RNF43: variants seen among roughly 807,000 people sequenced by gnomAD.
RNF43 encodes ring finger protein 43.
RNF43 carries 37 observed loss-of-function variants against 78.4 expected under a neutral mutation model. That is an observed-to-expected ratio of 0.47 (90% confidence interval 0.36 to 0.62). RNF43 has a LOEUF of 0.62. Ranked by LOEUF, RNF43 falls within the 20% of genes least tolerant of loss-of-function variation. The pLI is 0.00. For synonymous variants in RNF43, 347 were observed against 395.0 expected, an observed-to-expected ratio of 0.88 and a Z score of 1.44; for missense variants, 774 against 1,007.9, an observed-to-expected ratio of 0.77 and a Z score of 3.14.
intron 1 of RNF43, chr17:58,416,662 T>TA (rs902650921): frequency 6.6e-6 from 1 of 152,070 alleles, no homozygotes; most frequent in Non-Finnish European, 1.5e-5. Context: ...GGGTAGGGAA[T>TA]AAAAGGTAGG....
At chr17:58,391,987 G>A (rs539551280) in intron 2 of RNF43, among the ~76,000 whole-genome samples, 1 of 152,210 alleles carries the variant, frequency 6.6e-6, no homozygotes, top group African/African-American at 2.4e-5. Flanking sequence ...CTAAAGGATG[G>A]GGGTAGAAAA....
intron 9 of RNF43, among the ~76,000 whole-genome samples, chr17:58,355,753 G>A (rs1365194434): frequency 6.6e-6 from 1 of 152,232 alleles, no homozygotes; most frequent in Admixed American, 6.5e-5. Context: ...CAGCAATAGG[G>A]AGGGTAGGTG....
chr17:58,415,742 C>CA lies in RNF43; in HGVS notation c.-166dup. On this transcript the variant is annotated 5_prime_UTR_variant, in exon 2 of 10. It introduces an in-frame stop codon into an upstream open reading frame of the 5' UTR. Transcript: ENST00000407977. ...CCTTCCTTTCTCTAAAGTTTATTCC[C>CA]AAAAACAGGTAGCATTCCTGATTGG... 1 of 725,698 alleles carries CA rather than the reference C, an allele frequency of 1.4e-6. No homozygotes were observed. The highest frequency in any genetic ancestry group is 2.7e-5 in the East Asian group (1 of 36,958). The allele number at this position is 725,698 out of a possible 1,614,324, so 45.0% of individuals were successfully genotyped here.
chr17:58,374,487 G>T (rs1020937592), intron 2 of RNF43, among the ~76,000 whole-genome samples: 1 of 151,760 alleles, frequency 6.6e-6, no homozygotes, highest in African/African-American at 2.4e-5. Flanking sequence ...CCACCTCCTG[G>T]GTTCAAGCAA....
In RNF43 at chr17:58,415,544, G is replaced by A. The variant is rs2143697496; in HGVS notation, c.34C>T (p.Leu12Phe). The change falls in exon 2 of 10, where the codon CTC becomes TTC. Residue 12 changes from leucine (L) to phenylalanine (F), a missense_variant. Transcript: ENST00000407977. ...SGGHQLQLAALWPWLLMATLQ... is the reference protein window; with the variant it reads ...SGGHQLQLAAFWPWLLMATLQ... ...GTAGCCATCAGCAGCCAGGGCCAGA[G>A]GGCAGCCAGCTGCAGCTGGTGGCCA... The A allele has an allele frequency of 1.9e-6, 3 of 1,610,392 alleles. No individual in the cohort carries two copies. Among genetic ancestry groups the A allele is most frequent in the Non-Finnish European group, 2.5e-6 (3 of 1,180,002 alleles).
At chr17:58,392,865 T>C (rs1973588647) in intron 2 of RNF43, among the ~76,000 whole-genome samples, 1 of 152,262 alleles carries the variant, frequency 6.6e-6, no homozygotes, top group African/African-American at 2.4e-5. Context: ...TGACCCACCC[T>C]GTGTAGTGGG....
intron 2 of RNF43, among the ~76,000 whole-genome samples, chr17:58,378,655 C>T (rs991806077): frequency 9.9e-5 from 15 of 152,130 alleles, no homozygotes; most frequent in African/African-American, 3.6e-4. Context: ...TAACCTCGGG[C>T]CATCTGATGG....
intron 2 of RNF43, among the ~76,000 whole-genome samples, chr17:58,396,844 C>T (rs1258559495): frequency 1.3e-5 from 2 of 152,098 alleles, no homozygotes; most frequent in African/African-American, 4.8e-5. Context: ...TACACACACA[C>T]ACTACCATAG....
In RNF43 at chr17:58,370,973, T is replaced by C. The variant is rs1973082258; in HGVS notation, c.313A>G (p.Ser105Gly). The change falls in exon 3 of 10, where the codon AGC (serine) becomes GGC (glycine). Residue 105 changes from serine (S) to glycine (G), a missense_variant. Coordinates refer to ENST00000407977, the MANE Select transcript of RNF43 (RefSeq NM_017763.6). ...DDDNLEPGFI[S>G]IVKLESPRRA... ...CGAGGACTCTCCAGCTTGACGATGCTGATGAATCCAGGCTCCAGATTGTCG... is the reference window on the plus strand; with the variant it reads ...CGAGGACTCTCCAGCTTGACGATGCCGATGAATCCAGGCTCCAGATTGTCG... 2 of 1,611,928 alleles carry C rather than the reference T, an allele frequency of 1.2e-6. No homozygotes were observed. Among genetic ancestry groups the C allele is most frequent in the African/African-American group, 1.3e-5 (1 of 74,896 alleles).
At chr17:58,390,220 G>T (rs1973522299) in intron 2 of RNF43, among the ~76,000 whole-genome samples, 1 of 152,090 alleles carries the variant, frequency 6.6e-6, no homozygotes, top group African/African-American at 2.4e-5. Context: ...GAGCAAAATG[G>T]AATACAAAAC....
intron 6 of RNF43, among the ~76,000 whole-genome samples, chr17:58,361,487 C>A (rs932092540): frequency 6.6e-6 from 1 of 152,216 alleles, no homozygotes; most frequent in African/African-American, 2.4e-5. Flanking sequence ...TCCAAGCTAC[C>A]ATTACTGTCA....
intron 2 of RNF43, among the ~76,000 whole-genome samples, chr17:58,393,496 TG>T (rs1250718339): frequency 6.6e-6 from 1 of 152,212 alleles, no homozygotes; most frequent in Non-Finnish European, 1.5e-5. Context: ...ACACATAACA[TG>T]CAAAATATGT....
rs553934414 is a variant in RNF43 at position 58,358,094 on chromosome 17, C to T, written c.1682G>A (p.Arg561Gln). ...AGGCTTCCTGCCATGCCACTGGAAC[C>T]GCTTTTTGTAGTGGTGGTGCCGGTG... Reference protein sequence around the residue: ...HRHRHHHYKKRFQWHGRKPGP... With the variant: ...HRHRHHHYKKQFQWHGRKPGP... Residue 561 changes from arginine to glutamine, a missense_variant, in exon 9 of 10, where the codon CGG becomes CAG. Physicochemically the swap from Arg to Gln is conservative, Grantham distance 43. Coordinates refer to ENST00000407977, the MANE Select transcript of RNF43 (RefSeq NM_017763.6). The surrounding 1 kb of genome is among the most constrained non-coding windows in gnomAD (Gnocchi z 6.2). The T allele has an allele frequency of 2.2e-5, 35 of 1,609,052 alleles. No individual in the cohort carries two copies. Among genetic ancestry groups the T allele is most frequent in the East Asian group, 1.8e-4 (8 of 44,822 alleles).
At chr17:58,359,616 T>C (rs1212129876) in intron 8 of RNF43, among the ~76,000 whole-genome samples, 1 of 141,470 alleles carries the variant, frequency 7.1e-6, no homozygotes, top group Non-Finnish European at 1.5e-5. Context: ...AAAATAATAA[T>C]AATAATAATA....
intron 1 of RNF43, 36 bp from the exon 2 acceptor site, chr17:58,415,998 T>C (rs1974115320): frequency 3.9e-6 from 1 of 256,348 alleles, no homozygotes; most frequent in Admixed American, 4.9e-5. Flanking sequence ...CAAGGCAAAG[T>C]AAACAGCTAA....
In RNF43 at chr17:58,357,054, C is replaced by T. The variant is rs145681993; in HGVS notation, c.2308+414G>A. 558 of 605,300 alleles carry T rather than the reference C, an allele frequency of 9.2e-4. 8 individuals carry two copies. The East Asian group carries it at 0.013, about 14-fold the overall frequency. The allele number at this position is 605,300 out of a possible 1,614,324, so 37.5% of individuals were successfully genotyped here. A position where few individuals can be genotyped will look rare whatever the true frequency, so the allele number is the denominator to read the frequency against. ...GATTATAAGTGCCCGCCACCATACC[C>T]GGCTAATTTTTGTATTTTTAGTAGA... On this transcript the variant is annotated intron_variant, in intron 9 of 9. Transcript: ENST00000407977. This position sits in a 1 kb window ranked among gnomAD's most constrained non-coding sequence, Gnocchi z 4.5.
At chr17:58,410,116 T>G (rs2143677241) in intron 2 of RNF43, among the ~76,000 whole-genome samples, 1 of 151,218 alleles carries the variant, frequency 6.6e-6, no homozygotes, top group Admixed American at 6.6e-5. Flanking sequence ...TAACCAGATA[T>G]GTACGAAGCT....
At chr17:58,391,713 C>A (rs1390438964) in intron 2 of RNF43, among the ~76,000 whole-genome samples, 2 of 152,190 alleles carry the variant, frequency 1.3e-5, no homozygotes, top group East Asian at 3.8e-4. Context: ...TATCAAAGAG[C>A]CCTTCCATGC....
chr17:58,370,792 A>ACTTT lies in RNF43; in HGVS notation c.375+118_375+119insAAAG, dbSNP rs980565487. 6 of 1,195,922 alleles carry ACTTT rather than the reference A, an allele frequency of 5.0e-6. No homozygotes were observed. In the African/African-American group the frequency reaches 9.2e-5, roughly 18 times the overall value. 74.1% of individuals were successfully genotyped at this position (1,195,922 alleles called of 1,614,324 possible). A position where few individuals can be genotyped will look rare whatever the true frequency, so the allele number is the denominator to read the frequency against. ...CTCAGACCAGTCATGGGTTAGGGAA[A>ACTTT]CCCAAGGGAATCAGGTACATCACTC... On this transcript the variant is annotated intron_variant, in intron 3 of 9. Coordinates refer to ENST00000407977, the MANE Select transcript of RNF43 (RefSeq NM_017763.6).
Sources: allele counts gnomAD v4.1 joint callset (sites outside exome capture counted in the v4.1 genomes callset), GRCh38; gene constraint gnomAD v4.1.1; non-coding constraint Gnocchi (gnomAD v3.1); transcripts MANE v1.5; gene names NCBI Gene and HGNC (gene_info 2026-07-23, HGNC 2026-07-21).